PTPRD: variants seen among roughly 807,000 people sequenced by gnomAD.
PTPRD encodes the protein receptor-type tyrosine-protein phosphatase delta.
PTPRD carries 34 observed loss-of-function variants against 214.5 expected under a neutral mutation model. The observed-to-expected ratio is 0.16, with a 90% CI of 0.12 to 0.21. The LOEUF is 0.21. PTPRD is among the 10% of genes least tolerant of loss of function. PTPRD has a pLI of 1.00. For synonymous variants in PTPRD, 1,128 were observed against 845.7 expected, an observed-to-expected ratio of 1.33 and a Z score of -5.79; for missense variants, 2,545 against 2,398.7, an observed-to-expected ratio of 1.06 and a Z score of -1.27.
chr9:8,689,267 G>C (rs1002101670), intron 12 of PTPRD, among the ~76,000 whole-genome samples: 2 of 152,128 alleles, frequency 1.3e-5, no homozygotes, highest in South Asian at 2.1e-4. Flanking sequence ...CAAAATCAGA[G>C]TAAGAGTATA....
At chr9:8,367,526 C>G (rs1440209255) in intron 39 of PTPRD, among the ~76,000 whole-genome samples, 2 of 152,048 alleles carry the variant, frequency 1.3e-5, no homozygotes, top group African/African-American at 2.4e-5. Flanking sequence ...GTTAAGAAAC[C>G]CTGCTTATAG....
intron 32 of PTPRD, among the ~76,000 whole-genome samples, chr9:8,465,104 C>A (rs1192296927): frequency 6.6e-6 from 1 of 151,928 alleles, no homozygotes; most frequent in Non-Finnish European, 1.5e-5. Context: ...GCAACAGTCT[C>A]CTTTTTTGGA....
intron 14 of PTPRD, among the ~76,000 whole-genome samples, chr9:8,599,066 C>A (rs1166608235): frequency 6.6e-6 from 1 of 152,134 alleles, no homozygotes; most frequent in Non-Finnish European, 1.5e-5. Context: ...ATCAAGTGGG[C>A]AGGTCTTTCC....
chr9:8,392,925 A>G (rs897352971), intron 36 of PTPRD, among the ~76,000 whole-genome samples: 2 of 152,176 alleles, frequency 1.3e-5, no homozygotes, highest in Non-Finnish European at 2.9e-5. Context: ...TTAACCCCAG[A>G]TTGGAAGCTA....
chr9:9,657,739 G>T (rs1474689399), intron 7 of PTPRD, among the ~76,000 whole-genome samples: 1 of 152,156 alleles, frequency 6.6e-6, no homozygotes, highest in East Asian at 1.9e-4. Context: ...AGCATTCTTT[G>T]ACATAGGACC....
chr9:9,563,783 T>C (rs1049727168), intron 8 of PTPRD, among the ~76,000 whole-genome samples: 40 of 152,164 alleles, frequency 2.6e-4, no homozygotes, highest in African/African-American at 9.7e-4. Flanking sequence ...GCCCAAGTAA[T>C]ACTCTTATCT....
chr9:9,572,670 T>G (rs1186255747), intron 8 of PTPRD, among the ~76,000 whole-genome samples: 1 of 149,538 alleles, frequency 6.7e-6, no homozygotes, highest in African/African-American at 2.4e-5. Context: ...ATGTATATTA[T>G]GTATGTATAA....
intron 14 of PTPRD, among the ~76,000 whole-genome samples, chr9:8,532,878 T>C (rs1287036006): frequency 1.3e-5 from 2 of 152,086 alleles, no homozygotes; most frequent in Non-Finnish European, 2.9e-5. Context: ...AATATGCTGA[T>C]ACAAAACTTT....
intron 6 of PTPRD, among the ~76,000 whole-genome samples, chr9:9,761,657 G>T (rs1002424743): frequency 6.6e-6 from 1 of 151,938 alleles, no homozygotes; most frequent in Non-Finnish European, 1.5e-5. Context: ...GGGAAAACTT[G>T]GCAATGTGTA....
At chr9:10,226,185 A>C (rs552703711) in intron 3 of PTPRD, among the ~76,000 whole-genome samples, 2 of 152,134 alleles carry the variant, frequency 1.3e-5, no homozygotes, top group South Asian at 2.1e-4. Flanking sequence ...GTTGGGATGC[A>C]CTTAGTACCT....
intron 10 of PTPRD, among the ~76,000 whole-genome samples, chr9:9,181,988 T>C (rs76844081): frequency 0.014 from 2,075 of 152,098 alleles, 49 homozygotes; most frequent in African/African-American, 0.048. Context: ...GAATGAGTAG[T>C]ATTTTAAGAG....
intron 6 of PTPRD, among the ~76,000 whole-genome samples, chr9:9,751,366 T>C (rs2098517486): frequency 6.6e-6 from 1 of 152,072 alleles, no homozygotes; most frequent in African/African-American, 2.4e-5. Flanking sequence ...GACTGGGTTT[T>C]GAACTCCAGA....
intron 3 of PTPRD, among the ~76,000 whole-genome samples, chr9:10,098,378 G>A (rs1313349637): frequency 8.6e-5 from 13 of 151,146 alleles, no homozygotes; most frequent in Non-Finnish European, 5.9e-5. Context: ...AGCATTAGGA[G>A]ATATACCTAA....
At chr9:10,362,633 G>T (rs2097418344) in intron 2 of PTPRD, among the ~76,000 whole-genome samples, 1 of 152,092 alleles carries the variant, frequency 6.6e-6, no homozygotes, top group Non-Finnish European at 1.5e-5. Flanking sequence ...TGGAATCCCA[G>T]CACTTTGGGA....
intron 3 of PTPRD, among the ~76,000 whole-genome samples, chr9:10,281,434 A>G (rs1274163438): frequency 6.6e-6 from 1 of 152,228 alleles, no homozygotes; most frequent in Admixed American, 6.5e-5. Context: ...GCTTTGCTTT[A>G]TGGAAATGTC....
chr9:9,535,837 T>C (rs941217060), intron 8 of PTPRD, among the ~76,000 whole-genome samples: 2 of 151,878 alleles, frequency 1.3e-5, no homozygotes, highest in African/African-American at 2.4e-5. Context: ...GGGGGAGGGG[T>C]GTGTGTGTAC....
At chr9:10,188,205 T>C (rs1308077308) in intron 3 of PTPRD, among the ~76,000 whole-genome samples, 1 of 152,214 alleles carries the variant, frequency 6.6e-6, no homozygotes, top group African/African-American at 2.4e-5. Context: ...TCATTCATTT[T>C]ATGGATATGC....
intron 3 of PTPRD, among the ~76,000 whole-genome samples, chr9:10,106,687 GAA>G (rs550763134): frequency 6.7e-6 from 1 of 150,338 alleles, no homozygotes; most frequent in Admixed American, 6.6e-5. Context: ...GATGTATTTA[GAA>G]AAAAAAATTG....
chr9:10,194,778 A>G (rs966087515), intron 3 of PTPRD, among the ~76,000 whole-genome samples: 1 of 152,108 alleles, frequency 6.6e-6, no homozygotes, highest in Admixed American at 6.6e-5. Context: ...CATTGATTAC[A>G]ACAGCTGACA....
Sources: gnomAD v4.1 joint callset for allele counts (sites outside exome capture counted in the v4.1 genomes callset) on GRCh38, gnomAD v4.1.1 for gene constraint, MANE v1.5 for transcripts, NCBI Gene and HGNC (gene_info 2026-07-23, HGNC 2026-07-21) for gene names.